Variants in NBEA observed in about 807,000 individuals in gnomAD.
NBEA encodes neurobeachin.
Under a neutral mutation model 343.4 loss-of-function variants are expected in NBEA, and 44 were observed. The observed-to-expected ratio is 0.13, with a 90% confidence interval of 0.10 to 0.16. The LOEUF is 0.16. Ranked by LOEUF, NBEA falls within the 10% of genes least tolerant of loss-of-function variation. The probability of loss-of-function intolerance (pLI) is 1.00; values close to 1 mark genes in which losing one functional copy is unlikely to be tolerated. For synonymous variants in NBEA, 1,175 were observed against 1,238.7 expected, an observed-to-expected ratio of 0.95 and a Z score of 1.08; for missense variants, 2,555 against 3,631.3, an observed-to-expected ratio of 0.70 and a Z score of 7.62.
chr13:35,361,802 T>C (rs773862219), intron 38 of NBEA, among the ~76,000 whole-genome samples: 1 of 151,954 alleles, frequency 6.6e-6, no homozygotes, highest in Non-Finnish European at 1.5e-5. Flanking sequence ...GAAACAAATA[T>C]TGTAATTAAG....
At chr13:35,404,393 C>T (rs1267162305) in intron 38 of NBEA, among the ~76,000 whole-genome samples, 1 of 149,900 alleles carries the variant, frequency 6.7e-6, no homozygotes, top group African/African-American at 2.4e-5. Context: ...GAAAATGTGG[C>T]ACATATACAC....
intron 18 of NBEA, among the ~76,000 whole-genome samples, chr13:35,150,320 A>C (rs574745953): frequency 1.9e-4 from 29 of 152,334 alleles, no homozygotes; most frequent in East Asian, 1.7e-3. Flanking sequence ...AATCCTACAA[A>C]ATAGCAGAAA....
At chr13:35,275,823 T>C (rs926117302) in intron 34 of NBEA, among the ~76,000 whole-genome samples, 1 of 152,052 alleles carries the variant, frequency 6.6e-6, no homozygotes, top group Admixed American at 6.6e-5. Context: ...TCATGCCAGT[T>C]AGAATGGCGA....
intron 39 of NBEA, among the ~76,000 whole-genome samples, chr13:35,444,535 G>A (rs539006919): frequency 1.2e-4 from 18 of 152,010 alleles, no homozygotes; most frequent in Non-Finnish European, 1.9e-4. Context: ...GAGAAATGGC[G>A]TATAATGAAA....
At chr13:35,056,800 C>T (rs1477703706) in intron 7 of NBEA, among the ~76,000 whole-genome samples, 1 of 152,084 alleles carries the variant, frequency 6.6e-6, no homozygotes, top group Non-Finnish European at 1.5e-5. Flanking sequence ...TCTTACTCAG[C>T]TTAAAAATCC....
At chr13:35,185,472 T>G (rs1265013477) in intron 30 of NBEA, 1 of 152,132 alleles carries the variant, frequency 6.6e-6, no homozygotes, top group Non-Finnish European at 1.5e-5. Context: ...GAAAAATATT[T>G]TTTTCAACCT....
intron 1 of NBEA, among the ~76,000 whole-genome samples, chr13:35,033,801 C>T (rs1192351067): frequency 1.3e-5 from 2 of 151,542 alleles, no homozygotes; most frequent in Non-Finnish European, 3.0e-5. Context: ...TTCTTTTTCA[C>T]ATTGTTCACT....
chr13:35,390,232 C>T (rs2042436535), intron 38 of NBEA, among the ~76,000 whole-genome samples: 1 of 151,918 alleles, frequency 6.6e-6, no homozygotes. Context: ...CTATTCCGTG[C>T]TAATACCTTT....
chr13:35,469,090 A>AC (rs2075527925), intron 40 of NBEA, among the ~76,000 whole-genome samples: 2 of 96,488 alleles, frequency 2.1e-5, no homozygotes, highest in African/African-American at 8.4e-5. Context: ...ACAGAGCAAG[A>AC]CTCTATCTCA....
chr13:35,164,654 A>G, intron 24 of NBEA, 145 bp downstream of exon 24: 1 of 873,808 alleles, frequency 1.1e-6, no homozygotes. Flanking sequence ...TATTTCCACC[A>G]CTTTTGTTTA....
At chr13:35,104,081 G>T (rs1017805424) in intron 11 of NBEA, among the ~76,000 whole-genome samples, 4 of 151,722 alleles carry the variant, frequency 2.6e-5, no homozygotes, top group Non-Finnish European at 5.9e-5. Context: ...TTAGGCAAAG[G>T]TCTTTTTGCC....
intron 1 of NBEA, among the ~76,000 whole-genome samples, chr13:34,978,460 T>C (rs769436933): frequency 6.6e-6 from 1 of 152,222 alleles, no homozygotes; most frequent in Non-Finnish European, 1.5e-5. Flanking sequence ...ATTTTTTAAC[T>C]GAAATTCAAT....
intron 38 of NBEA, among the ~76,000 whole-genome samples, chr13:35,379,892 T>A (rs1039448750): frequency 6.6e-6 from 1 of 152,160 alleles, no homozygotes; most frequent in African/African-American, 2.4e-5. Flanking sequence ...TAGATCTTTA[T>A]ACCTGGTAGT....
chr13:35,273,064 C>T (rs904630464), intron 34 of NBEA, among the ~76,000 whole-genome samples: 4 of 152,178 alleles, frequency 2.6e-5, no homozygotes, highest in Non-Finnish European at 5.9e-5. Context: ...TTCTCAGTAC[C>T]ACATTGCACT....
chr13:34,964,454 A>G (rs932417276), intron 1 of NBEA, among the ~76,000 whole-genome samples: 4 of 152,026 alleles, frequency 2.6e-5, no homozygotes, highest in African/African-American at 9.7e-5. Context: ...CTCTTTAGTC[A>G]TAATAAACTA....
intron 18 of NBEA, among the ~76,000 whole-genome samples, chr13:35,147,581 T>G (rs911597857): frequency 6.6e-6 from 1 of 151,948 alleles, no homozygotes; most frequent in African/African-American, 2.4e-5. Flanking sequence ...CTGGAGACAG[T>G]GGAACTAGGA....
At chr13:34,974,786 A>G (rs988321102) in intron 1 of NBEA, among the ~76,000 whole-genome samples, 1 of 152,226 alleles carries the variant, frequency 6.6e-6, no homozygotes, top group African/African-American at 2.4e-5. Context: ...AATGGCAAGT[A>G]CTTAAATGTG....
chr13:35,124,915 T>G (rs1334656782), intron 17 of NBEA, among the ~76,000 whole-genome samples: 3 of 151,908 alleles, frequency 2.0e-5, no homozygotes, highest in Admixed American at 2.0e-4. Flanking sequence ...TATTAAGAGA[T>G]AAAGATCACT....
chr13:35,157,060 A>C lies in NBEA; in HGVS notation c.2652-18A>C. 1 of 1,510,238 alleles carries C rather than the reference A, an allele frequency of 6.6e-7. No homozygotes were observed. Among genetic ancestry groups the C allele is most frequent in the Non-Finnish European group, 8.9e-7 (1 of 1,129,784 alleles). 93.6% of individuals were successfully genotyped at this position (1,510,238 alleles called of 1,614,324 possible). A position where few individuals can be genotyped will look rare whatever the true frequency, so the allele number is the denominator to read the frequency against. On this transcript the variant is annotated intron_variant, in intron 20 of 58. Transcript: ENST00000379939. The stretch of plus-strand genomic sequence containing the variant: ...TAATTTGGATATTTTTAATGAGATC[A>C]AATTTTTTTCTCCCTAGATGCTTAT...
Sources: gnomAD v4.1 joint callset for allele counts (sites outside exome capture counted in the v4.1 genomes callset) on GRCh38, gnomAD v4.1.1 for gene constraint, MANE v1.5 for transcripts, NCBI Gene and HGNC (gene_info 2026-07-23, HGNC 2026-07-21) for gene names.